Variants in TANC2 observed in about 807,000 individuals in gnomAD.
The protein encoded by TANC2 is tetratricopeptide repeat, ankyrin repeat and coiled-coil containing 2.
A neutral mutation model predicts 210.5 loss-of-function variants in TANC2; 26 were observed. That is an observed-to-expected ratio of 0.12 (90% CI 0.09 to 0.17). The LOEUF is 0.17. Ranked by LOEUF, TANC2 falls within the 10% of genes least tolerant of loss-of-function variation. The pLI is 1.00. For missense variants in TANC2, 2,129 were observed against 2,608.9 expected, an observed-to-expected ratio of 0.82 and a Z score of 4.01; for synonymous variants, 931 against 967.1, an observed-to-expected ratio of 0.96 and a Z score of 0.69.
chr17:63,323,193 C>G (rs542471414), intron 11 of TANC2, among the ~76,000 whole-genome samples: 1 of 152,108 alleles, frequency 6.6e-6, no homozygotes, highest in Non-Finnish European at 1.5e-5. Flanking sequence ...ATGAGGTAGA[C>G]TAACATGAAA....
intron 4 of TANC2, among the ~76,000 whole-genome samples, chr17:63,112,812 T>C (rs1354776131): frequency 2.6e-5 from 4 of 152,228 alleles, no homozygotes; most frequent in African/African-American, 7.2e-5. Flanking sequence ...TTTTAGCTCC[T>C]GTGTTGTGTT....
chr17:63,258,879 G>A (rs567709269), intron 8 of TANC2, among the ~76,000 whole-genome samples: 2 of 152,158 alleles, frequency 1.3e-5, no homozygotes, highest in African/African-American at 4.8e-5. Flanking sequence ...CTTCACTCCT[G>A]CCTCTCTTTT....
At chr17:63,219,285 A>T (rs1325063126) in intron 7 of TANC2, among the ~76,000 whole-genome samples, 1 of 151,652 alleles carries the variant, frequency 6.6e-6, no homozygotes, top group African/African-American at 2.4e-5. Flanking sequence ...ATATTTTTAA[A>T]TGGTCACATT....
At chr17:63,156,769 A>G (rs562588873) in intron 5 of TANC2, among the ~76,000 whole-genome samples, 80 of 151,800 alleles carry the variant, frequency 5.3e-4, no homozygotes, top group Non-Finnish European at 1.0e-3. Context: ...GCCTAGGCAT[A>G]CTGCAACCAC....
Position 63,413,319 on chromosome 17 carries a change from C to T in TANC2, c.3929-224C>T. ...CTTTGCTGCCCTCGCGTGGGGCAGG[C>T]TCACATGGTTCAAGTATTCTTATTT... On this transcript the variant is annotated intron_variant, in intron 24 of 27. Transcript: ENST00000689528. 1.1e-5 allele frequency: 5 copies of T among 439,248 alleles called. No homozygotes were observed. In the South Asian group the frequency reaches 1.9e-4, roughly 16 times the overall value. The allele number at this position is 439,248 out of a possible 1,614,324, so 27.2% of individuals were successfully genotyped here. A position where few individuals can be genotyped will look rare whatever the true frequency, so the allele number is the denominator to read the frequency against.
intron 9 of TANC2, among the ~76,000 whole-genome samples, chr17:63,275,145 G>C (rs2043833379): frequency 6.6e-6 from 1 of 152,112 alleles, no homozygotes. Context: ...TTAATATTGA[G>C]ACCCTAACCT....
intron 1 of TANC2, among the ~76,000 whole-genome samples, chr17:62,972,206 G>C (rs1168761355): frequency 6.6e-6 from 1 of 152,094 alleles, no homozygotes; most frequent in Non-Finnish European, 1.5e-5. Flanking sequence ...TGAAAGCTGT[G>C]TTTGTGGATA....
At chr17:63,190,379 G>A (rs1327080403) in intron 5 of TANC2, among the ~76,000 whole-genome samples, 1 of 152,052 alleles carries the variant, frequency 6.6e-6, no homozygotes, top group Non-Finnish European at 1.5e-5. Flanking sequence ...TAATGTAAGA[G>A]TATTATTTCT....
At chr17:63,207,405 T>C (rs2041755253) in intron 7 of TANC2, among the ~76,000 whole-genome samples, 1 of 151,706 alleles carries the variant, frequency 6.6e-6, no homozygotes, top group African/African-American at 2.4e-5. Flanking sequence ...TTAGTAGAGA[T>C]GGGGTTTCAC....
intron 3 of TANC2, among the ~76,000 whole-genome samples, chr17:63,097,833 C>G (rs982317852): frequency 1.3e-5 from 2 of 152,058 alleles, no homozygotes; most frequent in South Asian, 2.1e-4. Flanking sequence ...AATGCTTGTG[C>G]TTTTGGTGTC....
intron 2 of TANC2, among the ~76,000 whole-genome samples, chr17:63,024,361 A>G (rs2034466574): frequency 6.6e-6 from 1 of 152,200 alleles, no homozygotes; most frequent in Non-Finnish European, 1.5e-5. Flanking sequence ...TAGACCATAT[A>G]GGGTAACATC....
intron 7 of TANC2, among the ~76,000 whole-genome samples, chr17:63,234,179 C>T (rs1251631208): frequency 6.6e-6 from 1 of 152,136 alleles, no homozygotes; most frequent in Non-Finnish European, 1.5e-5. Context: ...TCTCTTGCAC[C>T]TATTCCCCTA....
At chr17:63,148,559 T>C (rs1223784680) in intron 4 of TANC2, 1 of 152,162 alleles carries the variant, frequency 6.6e-6, no homozygotes, top group Non-Finnish European at 1.5e-5. Context: ...CTCAAGTCAT[T>C]GAGGGCATAA....
chr17:63,344,450 C>G (rs770059848), intron 12 of TANC2, among the ~76,000 whole-genome samples: 2 of 152,206 alleles, frequency 1.3e-5, no homozygotes, highest in African/African-American at 2.4e-5. Flanking sequence ...TGTTCCCTCA[C>G]TCTCACCACT....
At chr17:63,053,021 T>C (rs1470623283) in intron 2 of TANC2, among the ~76,000 whole-genome samples, 2 of 152,164 alleles carry the variant, frequency 1.3e-5, no homozygotes, top group African/African-American at 4.8e-5. Context: ...TGACCTCTGG[T>C]TTTTATGATG....
chr17:63,188,295 T>C (rs2041062835), intron 5 of TANC2, among the ~76,000 whole-genome samples: 1 of 122,944 alleles, frequency 8.1e-6, no homozygotes, highest in African/African-American at 3.0e-5. Context: ...TGAGACCCCA[T>C]CTCTTAAAAA....
chr17:63,060,099 T>G (rs1166198482), intron 2 of TANC2, among the ~76,000 whole-genome samples: 3 of 152,216 alleles, frequency 2.0e-5, no homozygotes, highest in Non-Finnish European at 4.4e-5. Context: ...CACTGAGAAA[T>G]CTGGTTCGTA....
At chr17:63,403,608 T>C (rs1283578130) in intron 19 of TANC2, among the ~76,000 whole-genome samples, 1 of 152,198 alleles carries the variant, frequency 6.6e-6, no homozygotes, top group Non-Finnish European at 1.5e-5. Context: ...CACTCAGGGA[T>C]GGAAATGACC....
chr17:63,415,629 G>T (rs1287729135), exon 26 of TANC2: 1 of 1,613,806 alleles, frequency 6.2e-7, no homozygotes, highest in South Asian at 1.1e-5. Context: ...GGGAACTAAA[G>T]GTGTCTCTCC....
Sources: allele counts gnomAD v4.1 joint callset (sites outside exome capture counted in the v4.1 genomes callset), GRCh38; gene constraint gnomAD v4.1.1; transcripts MANE v1.5; gene names NCBI Gene and HGNC (gene_info 2026-07-23, HGNC 2026-07-21).